The following KANK1 variants were observed in gnomAD, a reference collection of about 807,000 sequenced individuals.
KANK1 encodes the protein KN motif and ankyrin repeat domain-containing protein 1.
A neutral mutation model predicts 106.2 loss-of-function variants in KANK1; 109 were observed. The observed-to-expected ratio is 1.03, with a 90% CI of 0.88 to 1.20. The LOEUF (loss-of-function observed/expected upper bound fraction) is 1.20. Among genes scored for constraint, KANK1 ranks in the 50% most tolerant of loss-of-function variants. The pLI, the probability that KANK1 is intolerant of heterozygous loss-of-function variation, is 0.00. For missense variants in KANK1, 2,399 were observed against 1,710.7 expected, an observed-to-expected ratio of 1.40 and a Z score of -7.10; for synonymous variants, 873 against 652.2, an observed-to-expected ratio of 1.34 and a Z score of -5.16.
intron 1 of KANK1, among the ~76,000 whole-genome samples, chr9:657,034 C>G (rs1165339199): frequency 3.0e-5 from 4 of 132,724 alleles, no homozygotes; most frequent in African/African-American, 1.2e-4. Context: ...CATCAAACAA[C>G]TCTGTTTCCC....
At chr9:694,288 T>C (rs1211833772) in intron 2 of KANK1, among the ~76,000 whole-genome samples, 1 of 152,234 alleles carries the variant, frequency 6.6e-6, no homozygotes, top group Non-Finnish European at 1.5e-5. Context: ...ATCCCTAAGT[T>C]AGCCAGTGCT....
intron 1 of KANK1, among the ~76,000 whole-genome samples, chr9:600,853 C>A (rs1343678819): frequency 6.6e-6 from 1 of 151,824 alleles, no homozygotes; most frequent in Non-Finnish European, 1.5e-5. Flanking sequence ...CTAACATGTT[C>A]TAAAGTTAAA....
At chr9:689,728 A>T (rs1345332151) in intron 2 of KANK1, among the ~76,000 whole-genome samples, 1 of 152,060 alleles carries the variant, frequency 6.6e-6, no homozygotes, top group Non-Finnish European at 1.5e-5. Context: ...CCAAGCACCT[A>T]AGGGGAGGGG....
At chr9:735,677 T>A (rs1372110718) in intron 7 of KANK1, 2 of 368,352 alleles carry the variant, frequency 5.4e-6, no homozygotes, top group East Asian at 1.5e-4. Flanking sequence ...TGCCATATAT[T>A]TTAAATCATT....
chr9:576,797 C>T (rs543392271), intron 1 of KANK1, among the ~76,000 whole-genome samples: 1 of 151,972 alleles, frequency 6.6e-6, no homozygotes, highest in Admixed American at 6.5e-5. Context: ...CCTGTACGTA[C>T]CATGTACCTG....
At chr9:545,756 T>C (rs1357757890) in intron 1 of KANK1, among the ~76,000 whole-genome samples, 1 of 133,192 alleles carries the variant, frequency 7.5e-6, no homozygotes, top group African/African-American at 2.9e-5. Flanking sequence ...TTTTTTAAAT[T>C]CCCTGAGATG....
intron 4 of KANK1, 69 bp from the exon 5 acceptor site, chr9:731,089 A>G (rs1299960031): frequency 5.0e-6 from 4 of 806,802 alleles, no homozygotes; most frequent in Non-Finnish European, 2.0e-6. Flanking sequence ...AAAGAACTGT[A>G]CAGGAAAAAA....
Position 552,097 on chromosome 9 carries a change from A to G in KANK1, c.-84+47343A>G, listed in dbSNP as rs74429446. On this transcript the variant is annotated intron_variant, in intron 1 of 11. Transcript: ENST00000382297. ...AGCATGTAACAGTAGGATCTAATCTAGCCTAGGCAAGTACGGCATTCTTGA... is the reference window on the plus strand; with the variant it reads ...AGCATGTAACAGTAGGATCTAATCTGGCCTAGGCAAGTACGGCATTCTTGA... Among the ~76,000 whole-genome samples the G allele has an allele frequency of 4.1e-4, 63 of 152,258 alleles. No homozygotes were observed. In the Middle Eastern group the frequency reaches 0.014, roughly 33 times the overall value.
At chr9:548,728 A>T (rs966030727) in intron 1 of KANK1, among the ~76,000 whole-genome samples, 9 of 152,272 alleles carry the variant, frequency 5.9e-5, no homozygotes, top group Non-Finnish European at 1.2e-4. Flanking sequence ...TTTAATTAAA[A>T]TTTTTTTATC....
In KANK1 at chr9:710,803, G is replaced by A. The variant is rs778405957; in HGVS notation, c.38-1G>A. 8.9e-6 allele frequency: 14 copies of A among 1,571,866 alleles called. No individual in the cohort carries two copies. Among genetic ancestry groups the A allele is most frequent in the Non-Finnish European group, 1.2e-5 (14 of 1,163,852 alleles). On this transcript the variant is annotated splice_acceptor_variant, in intron 2 of 11. Coordinates refer to ENST00000382297, the MANE Select transcript of KANK1 (RefSeq NM_015158.5). LOFTEE classifies it high-confidence loss of function. ...ATAATATTCTTTTCTCCCTCTTCTA[G>A]GAAAAGCAGGTGATATTCTCAGTGG...
At chr9:736,512 A>G (rs1029250526) in intron 7 of KANK1, among the ~76,000 whole-genome samples, 2 of 152,060 alleles carry the variant, frequency 1.3e-5, no homozygotes, top group Non-Finnish European at 2.9e-5. Context: ...GTTTGAGACC[A>G]GCCTGGGCAA....
In KANK1 at chr9:738,482, T is replaced by A; in HGVS notation, c.3531T>A (p.Ile1177=). ...HYSVSHSNFE[I]VKLLLDADVC... ...GCGTGTCCCACTCCAACTTCGAGAT[T>A]GTGAAGCTGCTGTTAGATGCCGGTA... Residue 1177 remains isoleucine, a synonymous_variant, in exon 8 of 12, where the codon ATT becomes ATA. Transcript: ENST00000382297. 1 of 1,614,082 alleles carries A rather than the reference T, an allele frequency of 6.2e-7. No homozygotes were observed. Among genetic ancestry groups the A allele is most frequent in the Non-Finnish European group, 8.5e-7 (1 of 1,179,958 alleles).
At chr9:491,575 A>C (rs1041112150) in intron 3 of KANK1, among the ~76,000 whole-genome samples, 1 of 152,112 alleles carries the variant, frequency 6.6e-6, no homozygotes. Context: ...CCTGGAGTGC[A>C]ATTTTAAATA....
At chr9:534,746 C>T (rs2060217874) in intron 1 of KANK1, among the ~76,000 whole-genome samples, 1 of 152,204 alleles carries the variant, frequency 6.6e-6, no homozygotes, top group African/African-American at 2.4e-5. Context: ...TTTTCTTCCT[C>T]TGATGGCTTC....
intron 1 of KANK1, among the ~76,000 whole-genome samples, chr9:535,640 G>C (rs1420115989): frequency 2.0e-5 from 3 of 152,232 alleles, no homozygotes; most frequent in African/African-American, 2.4e-5. Flanking sequence ...TGACAGAGTT[G>C]TCCCTGAGTT....
chr9:632,658 A>T (rs1391494367), intron 1 of KANK1, among the ~76,000 whole-genome samples: 3 of 152,104 alleles, frequency 2.0e-5, no homozygotes, highest in Admixed American at 2.0e-4. Context: ...ATCTGCTTTG[A>T]TCCTCATGAG....
At chr9:519,215 A>T (rs748833286) in intron 1 of KANK1, among the ~76,000 whole-genome samples, 1 of 151,670 alleles carries the variant, frequency 6.6e-6, no homozygotes, top group Non-Finnish European at 1.5e-5. Context: ...TAGGCACCTT[A>T]TAATTGTGTC....
At chr9:637,459 T>C (rs919576813) in intron 1 of KANK1, among the ~76,000 whole-genome samples, 3 of 152,192 alleles carry the variant, frequency 2.0e-5, no homozygotes, top group African/African-American at 7.2e-5. Context: ...CAGCAAAGTT[T>C]CATAAATTTT....
intron 1 of KANK1, among the ~76,000 whole-genome samples, chr9:579,435 G>T (rs991650538): frequency 6.6e-6 from 1 of 152,166 alleles, no homozygotes; most frequent in African/African-American, 2.4e-5. Context: ...GAAGGACTCT[G>T]TCTCTGTGTG....
Sources: allele counts gnomAD v4.1 joint callset (sites outside exome capture counted in the v4.1 genomes callset), GRCh38; gene constraint gnomAD v4.1.1; transcripts MANE v1.5; gene names NCBI Gene and HGNC (gene_info 2026-07-23, HGNC 2026-07-21).